The following EPM2A variants were observed in gnomAD, a reference collection of about 807,000 sequenced individuals.
EPM2A encodes EPM2A glucan phosphatase, laforin.
A neutral mutation model predicts 26.5 loss-of-function variants in EPM2A; 21 were observed. The observed-to-expected ratio is 0.79, with a 90% confidence interval of 0.56 to 1.14. The LOEUF (loss-of-function observed/expected upper bound fraction) is 1.14, where lower values mean the gene tolerates loss of function less well. EPM2A is among the 50% of genes most tolerant of loss of function. The pLI is 0.00. For synonymous variants in EPM2A, 217 were observed against 177.6 expected, an observed-to-expected ratio of 1.22 and a Z score of -1.76; for missense variants, 458 against 440.8, an observed-to-expected ratio of 1.04 and a Z score of -0.35.
rs1775827127 is a variant in EPM2A, at chr6:145,626,597, C to T, written c.*819G>A. The T allele has an allele frequency of 1.0e-6, 1 of 985,468 alleles. No homozygotes were observed. The highest frequency in any genetic ancestry group is 6.1e-5 in the Admixed American group (1 of 16,262). 61.0% of individuals were successfully genotyped at this position (985,468 alleles called of 1,614,324 possible). ...AATGCACTACATGATGCTGGGAAAACAAGTTGTGATGAAAACAGTGCTGAG... is the reference window on the plus strand; with the variant it reads ...AATGCACTACATGATGCTGGGAAAATAAGTTGTGATGAAAACAGTGCTGAG... On this transcript the variant is annotated 3_prime_UTR_variant, in exon 4 of 4. Transcript: ENST00000367519.
At chr6:145,424,345 G>A (rs555762914) in intron 4 of EPM2A, among the ~76,000 whole-genome samples, 2 of 152,254 alleles carry the variant, frequency 1.3e-5, no homozygotes, top group East Asian at 3.9e-4. Flanking sequence ...AGATTAAGCT[G>A]GAAGAGAAAG....
intron 4 of EPM2A, among the ~76,000 whole-genome samples, chr6:145,459,340 G>A (rs530390388): frequency 6.6e-6 from 1 of 152,298 alleles, no homozygotes; most frequent in Non-Finnish European, 1.5e-5. Context: ...ATCAATCCCT[G>A]AGAACAATGC....
intron 2 of EPM2A, among the ~76,000 whole-genome samples, chr6:145,654,068 C>T (rs1339421216): frequency 6.6e-6 from 1 of 152,180 alleles, no homozygotes; most frequent in Non-Finnish European, 1.5e-5. Context: ...TCCAGTAGGG[C>T]AGTGAGCTTT....
chr6:145,635,670 TGGGG>T, intron 2 of EPM2A, 184 bp from the exon 3 acceptor site: 1 of 605,752 alleles, frequency 1.7e-6, no homozygotes, highest in Non-Finnish European at 2.9e-6. Flanking sequence ...GTTGCTGCTT[TGGGG>T]AAAGCAAGTA....
At chr6:145,481,180 A>G (rs1779607892) in intron 4 of EPM2A, among the ~76,000 whole-genome samples, 1 of 152,130 alleles carries the variant, frequency 6.6e-6, no homozygotes, top group African/African-American at 2.4e-5. Context: ...GCTTTCTGTG[A>G]TTGCTTTTTG....
At chr6:145,543,588 A>G (rs990419099) in intron 2 of EPM2A, among the ~76,000 whole-genome samples, 1 of 152,228 alleles carries the variant, frequency 6.6e-6, no homozygotes, top group African/African-American at 2.4e-5. Flanking sequence ...GGTCTTTAAT[A>G]ATTTAAAGAA....
intron 4 of EPM2A, among the ~76,000 whole-genome samples, chr6:145,392,708 G>C (rs1466877171): frequency 6.6e-6 from 1 of 151,930 alleles, no homozygotes; most frequent in Non-Finnish European, 1.5e-5. Context: ...ACACCATTTT[G>C]GCTTCATTAT....
intron 2 of EPM2A, among the ~76,000 whole-genome samples, chr6:145,524,956 G>T (rs1456663358): frequency 2.6e-5 from 4 of 152,094 alleles, no homozygotes; most frequent in African/African-American, 4.8e-5. Flanking sequence ...TATGGTGAAA[G>T]TTAAGGGTCT....
rs1170939620 is a variant in EPM2A at position 145,735,380 on chromosome 6, AG to A, written c.118del (p.Leu40Ter). The A allele has an allele frequency of 2.3e-6, 2 of 857,296 alleles. No homozygotes were observed. The highest frequency in any genetic ancestry group is 3.8e-5 in the African/African-American group (2 of 52,918). 53.1% of individuals were successfully genotyped at this position (857,296 alleles called of 1,614,324 possible). On this transcript the variant is annotated frameshift_variant, in exon 1 of 4. Coordinates refer to ENST00000367519, the MANE Select transcript of EPM2A (RefSeq NM_005670.4). LOFTEE classifies it high-confidence loss of function. ...GRWEPRGAVR[L>X]RPAGTAAGDG... Reference sequence around the variant, plus strand: ...GCCCGCCGCGGTGCCGGCCGGCCTCAGGCGGACGGCACCGCGCGGCTCCCAA... The same window carrying A: ...GCCCGCCGCGGTGCCGGCCGGCCTCAGCGGACGGCACCGCGCGGCTCCCAA...
At position 145,686,263 on chromosome 6, in the gene EPM2A, T is replaced by C. The variant is rs757199020; in HGVS notation, c.335A>G (p.Tyr112Cys). 15 of 1,613,958 alleles carry C rather than the reference T, an allele frequency of 9.3e-6. No individual in the cohort carries two copies. The highest frequency in any genetic ancestry group is 1.3e-5 in the Non-Finnish European group (15 of 1,179,876). The change falls in exon 2 of 4, where the codon TAC (tyrosine) becomes TGC (cysteine). Residue 112 changes from tyrosine (Y) to cysteine (C), a missense_variant. By Grantham distance (194) the Tyr-to-Cys change is radical. Transcript: ENST00000367519. ...NGPHHDRCCT[Y>C]NENNLVDGVY... ...ACCATCCACCAAGTTGTTTTCATTG[T>C]AAGTACAGCAACGGTCATGATGAGG... is the stretch of plus-strand genomic sequence containing the variant.
intron 4 of EPM2A, among the ~76,000 whole-genome samples, chr6:145,446,882 A>G (rs1413772517): frequency 6.6e-6 from 1 of 151,954 alleles, no homozygotes; most frequent in Non-Finnish European, 1.5e-5. Context: ...ATTATCTTGG[A>G]TCTTCTTTGA....
intron 2 of EPM2A, among the ~76,000 whole-genome samples, chr6:145,528,156 A>G (rs1326016348): frequency 6.6e-6 from 1 of 152,152 alleles, no homozygotes; most frequent in Non-Finnish European, 1.5e-5. Context: ...TGGTTTGAGG[A>G]AAGAAACCAT....
upstream of EPM2A, chr6:145,735,576 C>T (rs1163099356): frequency 1.9e-5 from 21 of 1,099,178 alleles, no homozygotes; most frequent in Non-Finnish European, 5.5e-6. Flanking sequence ...TAGGCGGCCG[C>T]AGCGATTGGG....
At chr6:145,439,796 T>C (rs1779038741) in intron 4 of EPM2A, among the ~76,000 whole-genome samples, 1 of 152,224 alleles carries the variant, frequency 6.6e-6, no homozygotes, top group African/African-American at 2.4e-5. Context: ...TAGTTTCATA[T>C]GCTGTGCAGA....
intron 4 of EPM2A, among the ~76,000 whole-genome samples, chr6:145,479,168 A>G (rs1220711327): frequency 6.6e-6 from 1 of 150,796 alleles, no homozygotes; most frequent in Non-Finnish European, 1.5e-5. Flanking sequence ...AGTAGTAAAG[A>G]TCTGTCCTCT....
chr6:145,402,309 C>G (rs1238009419), intron 4 of EPM2A, among the ~76,000 whole-genome samples: 1 of 152,118 alleles, frequency 6.6e-6, no homozygotes, highest in Non-Finnish European at 1.5e-5. Context: ...TATGAAGACA[C>G]TTCAGCAGAA....
intron 2 of EPM2A, among the ~76,000 whole-genome samples, chr6:145,535,822 G>C (rs889237278): frequency 1.3e-5 from 2 of 152,180 alleles, no homozygotes; most frequent in Admixed American, 1.3e-4. Flanking sequence ...TAATGCTCTT[G>C]GTAAGTTCAC....
At chr6:145,542,637 A>G (rs1241441829) in intron 2 of EPM2A, among the ~76,000 whole-genome samples, 1 of 152,224 alleles carries the variant, frequency 6.6e-6, no homozygotes, top group Non-Finnish European at 1.5e-5. Flanking sequence ...AATTGAAGCC[A>G]GGGACCCTTG....
At chr6:145,608,993 C>A (rs1775331700) in intron 2 of EPM2A, among the ~76,000 whole-genome samples, 1 of 152,166 alleles carries the variant, frequency 6.6e-6, no homozygotes, top group African/African-American at 2.4e-5. Flanking sequence ...GAATGCTTGT[C>A]TTTAATGTAT....
Sources: gnomAD v4.1 joint callset for allele counts (sites outside exome capture counted in the v4.1 genomes callset) on GRCh38, gnomAD v4.1.1 for gene constraint, MANE v1.5 for transcripts, NCBI Gene and HGNC (gene_info 2026-07-23, HGNC 2026-07-21) for gene names.